KLK11: variants seen among roughly 807,000 people sequenced by gnomAD.
The protein encoded by KLK11 is kallikrein related peptidase 11, also known as kallikrein-11.
In KLK11, 10 loss-of-function variants were observed where a neutral mutation model predicts 23.4. The observed-to-expected ratio is 0.43, with a 90% CI of 0.26 to 0.73. KLK11 has a LOEUF of 0.73. KLK11 is among the 30% of genes least tolerant of loss of function. KLK11 has a pLI of 0.22. For synonymous variants in KLK11, 131 were observed against 131.7 expected, an observed-to-expected ratio of 0.99 and a Z score of 0.03; for missense variants, 285 against 327.8, an observed-to-expected ratio of 0.87 and a Z score of 1.01.
rs569641222 is a variant in KLK11, at chr19:51,025,439, C to T, written c.40+153G>A. Among the ~76,000 whole-genome samples, 6 of 152,252 alleles carry T rather than the reference C, an allele frequency of 3.9e-5. No homozygotes were observed. Among genetic ancestry groups the T allele is most frequent in the South Asian group, 4.2e-4 (2 of 4,816 alleles). On this transcript the variant is annotated intron_variant, in intron 2 of 5. Coordinates refer to ENST00000453757, the MANE Select transcript of KLK11 (RefSeq NM_001136032.3). The surrounding 1 kb of genome is among the most constrained non-coding windows in gnomAD (Gnocchi z 6.2). ...CATTTAAAGGGATTATCTAGAAGGG[C>T]ATCCAGGCCCTCATGACCACTGCTC... is the stretch of plus-strand genomic sequence containing the variant.
chr19:51,024,543 A>C lies in KLK11; in HGVS notation c.197+95T>G. 7.4e-7 allele frequency: 1 copy of C among 1,344,618 alleles called. No individual in the cohort carries two copies. Among genetic ancestry groups the C allele is most frequent in the Non-Finnish European group, 9.9e-7 (1 of 1,013,154 alleles). 83.3% of individuals were successfully genotyped at this position (1,344,618 alleles called of 1,614,324 possible). A position where few individuals can be genotyped will look rare whatever the true frequency, so the allele number is the denominator to read the frequency against. ...CTGACACTACCCATCCCCATCTCTAATCCCCTTACCAGCACCCCTATCCCT... is the reference window on the plus strand; with the variant it reads ...CTGACACTACCCATCCCCATCTCTACTCCCCTTACCAGCACCCCTATCCCT... On this transcript the variant is annotated intron_variant, in intron 3 of 5. Coordinates refer to ENST00000453757, the MANE Select transcript of KLK11 (RefSeq NM_001136032.3). The surrounding 1 kb of genome is among the most constrained non-coding windows in gnomAD (Gnocchi z 6.2).
At position 51,023,155 on chromosome 19, in the gene KLK11, G is replaced by A. The variant is rs1166658681; in HGVS notation, c.537C>T (p.Pro179=). Residue 179 remains proline (P), a synonymous_variant, in exon 5 of 6, where the codon CCC becomes CCT. Transcript: ENST00000453757. The part of the protein sequence containing the change: ...IEHQKCENAY[P]GNITDTMVCA... Reference sequence around the variant, plus strand: ...ACACCATGGTGTCTGTGATGTTGCCGGGGTAGGCGTTCTCACACTTCTGGT... The same window carrying A: ...ACACCATGGTGTCTGTGATGTTGCCAGGGTAGGCGTTCTCACACTTCTGGT... The A allele has an allele frequency of 2.4e-5, 38 of 1,613,376 alleles. No individual in the cohort carries two copies. Among genetic ancestry groups the A allele is most frequent in the South Asian group, 3.3e-5 (3 of 90,902 alleles).
chr19:51,026,196 C>T (rs1477115393), intron 1 of KLK11, among the ~76,000 whole-genome samples: 1 of 152,036 alleles, frequency 6.6e-6, no homozygotes, highest in Non-Finnish European at 1.5e-5. Context: ...CCCCATCACC[C>T]GGCTTGCTGA....
At chr19:51,023,984 C>T (rs1600151378) in intron 4 of KLK11, 61 bp downstream of exon 4, 1 of 1,347,302 alleles carries the variant, frequency 7.4e-7, no homozygotes, top group East Asian at 2.5e-5. Context: ...CTGAACCCTT[C>T]CACAATCCTG....
chr19:51,026,569 T>C lies in KLK11; in HGVS notation c.-67A>G. 4.1e-6 allele frequency: 4 copies of C among 986,404 alleles called. No homozygotes were observed. Among genetic ancestry groups the C allele is most frequent in the Non-Finnish European group, 4.8e-6 (4 of 830,400 alleles). The allele number at this position is 986,404 out of a possible 1,614,324, so 61.1% of individuals were successfully genotyped here. A position where few individuals can be genotyped will look rare whatever the true frequency, so the allele number is the denominator to read the frequency against. ...TGGGGCTGGGGCTCTGGGGGCCCAGTGGCGGCGGAGACGGCAGTGGCGGCA... is the reference window on the plus strand; with the variant it reads ...TGGGGCTGGGGCTCTGGGGGCCCAGCGGCGGCGGAGACGGCAGTGGCGGCA... On this transcript the variant is annotated 5_prime_UTR_variant, in exon 1 of 6. Coordinates refer to ENST00000453757, the MANE Select transcript of KLK11 (RefSeq NM_001136032.3).
chr19:51,024,793 C>A lies in KLK11; in HGVS notation c.42G>T (p.Gly14=). The change falls in exon 3 of 6, where the codon GGG becomes GGT. Residue 14 remains glycine, a splice_region_variant and synonymous_variant. Coordinates refer to ENST00000453757, the MANE Select transcript of KLK11 (RefSeq NM_001136032.3). The surrounding 1 kb of genome is among the most constrained non-coding windows in gnomAD (Gnocchi z 6.2). ...TGATCCTGGTCTCTCCCCCTACAAG[C>A]CCTGGAGGGGGTGAGAGCAAAAGAA... ...LQLILLALAT[G]LVGGETRIIK... is the part of the protein sequence containing the mutation. 6.4e-7 allele frequency: 1 copy of A among 1,570,444 alleles called. No homozygotes were observed. Among genetic ancestry groups the A allele is most frequent in the South Asian group, 1.2e-5 (1 of 83,740 alleles).
rs199568439 is a variant in KLK11 at position 51,024,348 on chromosome 19, C to A, written c.198-38G>T. 1 of 1,600,962 alleles carries A rather than the reference C, an allele frequency of 6.2e-7. No individual in the cohort carries two copies. The highest frequency in any genetic ancestry group is 2.2e-5 in the East Asian group (1 of 44,612). The stretch of plus-strand genomic sequence containing the variant: ...AGACAGTAGTTGGAGGAGGAAAGGT[C>A]GGGGGAGACATGGGTGGGAGAGGTG... On this transcript the variant is annotated intron_variant, in intron 3 of 5. Transcript: ENST00000453757. The surrounding 1 kb of genome is among the most constrained non-coding windows in gnomAD (Gnocchi z 6.2).
chr19:51,025,519 C>A lies in KLK11; in HGVS notation c.40+73G>T, dbSNP rs2091468884. 4 of 1,043,266 alleles carry A rather than the reference C, an allele frequency of 3.8e-6. No homozygotes were observed. In the South Asian group the frequency reaches 6.8e-5, roughly 18 times the overall value. 64.6% of individuals were successfully genotyped at this position (1,043,266 alleles called of 1,614,324 possible). A position where few individuals can be genotyped will look rare whatever the true frequency, so the allele number is the denominator to read the frequency against. On this transcript the variant is annotated intron_variant, in intron 2 of 5. Coordinates refer to ENST00000453757, the MANE Select transcript of KLK11 (RefSeq NM_001136032.3). This position sits in a 1 kb window ranked among gnomAD's most constrained non-coding sequence, Gnocchi z 6.2. Reference sequence around the variant, plus strand: ...AATTTGGAATCAGCCCTGTCACTGTCCAGACACAGAGGGTTAGGGGATCCC... The same window carrying A: ...AATTTGGAATCAGCCCTGTCACTGTACAGACACAGAGGGTTAGGGGATCCC...
upstream of KLK11, chr19:51,027,344 C>A (rs2091501510): frequency 1.8e-6 from 2 of 1,082,384 alleles, no homozygotes; most frequent in Non-Finnish European, 2.8e-6. Flanking sequence ...GGGAACAGAG[C>A]CCTTGGCTGT....
At chr19:51,023,527 G>A in intron 4 of KLK11, 1 of 296,078 alleles carries the variant, frequency 3.4e-6, no homozygotes. Flanking sequence ...TGGGATTACA[G>A]GCGCACACAA....
rs764224071 is a variant in KLK11, at chr19:51,024,781, T to C, written c.54A>G (p.Gly18=). The change falls in exon 3 of 6, where the codon GGA becomes GGG. Residue 18 remains glycine, a synonymous_variant. Transcript: ENST00000453757. The surrounding 1 kb of genome is among the most constrained non-coding windows in gnomAD (Gnocchi z 6.2). ...LLALATGLVG[G]ETRIIKGFEC... is the part of the protein sequence containing the mutation. ...CGAACCCCTTGATGATCCTGGTCTC[T>C]CCCCCTACAAGCCCTGGAGGGGGTG... 6 of 1,586,600 alleles carry C rather than the reference T, an allele frequency of 3.8e-6. No individual in the cohort carries two copies. Among genetic ancestry groups the C allele is most frequent in the South Asian group, 2.3e-5 (2 of 86,588 alleles).
In KLK11 at chr19:51,022,460, C is replaced by T; in HGVS notation, c.*85G>A. 6.5e-7 allele frequency: 1 copy of T among 1,540,386 alleles called. No homozygotes were observed. Among genetic ancestry groups the T allele is most frequent in the Non-Finnish European group, 9.0e-7 (1 of 1,114,340 alleles). On this transcript the variant is annotated 3_prime_UTR_variant, in exon 6 of 6. Transcript: ENST00000453757. ...AAAGAATGTTCGTAGAGGGTCTTGG[C>T]TTAGGGTTTCTTATTAACAGAGTGA...
chr19:51,023,383 G>GTT, intron 4 of KLK11, 155 bp from the exon 5 acceptor site: 1 of 608,544 alleles, frequency 1.6e-6, no homozygotes. Context: ...ATGCTATCCA[G>GTT]CTTTTTTTTT....
chr19:51,024,476 C>T lies in KLK11; in HGVS notation c.197+162G>A. On this transcript the variant is annotated intron_variant, in intron 3 of 5. Coordinates refer to ENST00000453757, the MANE Select transcript of KLK11 (RefSeq NM_001136032.3). This position sits in a 1 kb window ranked among gnomAD's most constrained non-coding sequence, Gnocchi z 6.2. ...GCCATAGCCCCATCCCAACCCCATTCATCCCCCCACCTTCAATACCAACTC... is the reference window on the plus strand; with the variant it reads ...GCCATAGCCCCATCCCAACCCCATTTATCCCCCCACCTTCAATACCAACTC... The T allele has an allele frequency of 8.2e-7, 1 of 1,224,292 alleles. No homozygotes were observed. Among genetic ancestry groups the T allele is most frequent in the South Asian group, 1.5e-5 (1 of 65,414 alleles). 75.8% of individuals were successfully genotyped at this position (1,224,292 alleles called of 1,614,324 possible).
chr19:51,024,349 G>C lies in KLK11; in HGVS notation c.198-39C>G. On this transcript the variant is annotated intron_variant, in intron 3 of 5. Coordinates refer to ENST00000453757, the MANE Select transcript of KLK11 (RefSeq NM_001136032.3). The surrounding 1 kb of genome is among the most constrained non-coding windows in gnomAD (Gnocchi z 6.2). The stretch of plus-strand genomic sequence containing the variant: ...GACAGTAGTTGGAGGAGGAAAGGTC[G>C]GGGGAGACATGGGTGGGAGAGGTGA... 6.2e-7 allele frequency: 1 copy of C among 1,600,474 alleles called. No individual in the cohort carries two copies. Among genetic ancestry groups the C allele is most frequent in the Admixed American group, 1.7e-5 (1 of 59,860 alleles).
chr19:51,023,276 C>T (rs1460658382), intron 4 of KLK11, 48 bp from the exon 5 acceptor site: 1 of 1,592,388 alleles, frequency 6.3e-7, no homozygotes, highest in East Asian at 2.3e-5. Flanking sequence ...CCTGCCACCT[C>T]CCCTAATGCA....
upstream of KLK11, chr19:51,026,621 C>T (rs752683171): frequency 1.0e-5 from 10 of 986,706 alleles, no homozygotes; most frequent in African/African-American, 1.7e-5. Context: ...TGGGTTGGAG[C>T]GCCAGGTGCC....
intron 5 of KLK11, 93 bp from the exon 6 acceptor site, chr19:51,022,790 G>T: frequency 1.5e-6 from 2 of 1,361,056 alleles, no homozygotes; most frequent in Non-Finnish European, 2.1e-6. Flanking sequence ...GAGTGGGGCC[G>T]AGACAGGATG....
chr19:51,022,901 A>G (rs1451929783), intron 5 of KLK11, among the ~76,000 whole-genome samples, 191 bp downstream of exon 5: 1 of 151,996 alleles, frequency 6.6e-6, no homozygotes, highest in Non-Finnish European at 1.5e-5. Context: ...GGATGGTTGG[A>G]GCTGGAAATG....
Sources: gnomAD v4.1 joint callset for allele counts (sites outside exome capture counted in the v4.1 genomes callset) on GRCh38, gnomAD v4.1.1 for gene constraint, Gnocchi (gnomAD v3.1) non-coding constraint, MANE v1.5 for transcripts, NCBI Gene and HGNC (gene_info 2026-07-23, HGNC 2026-07-21) for gene names.